Variants in KLHL20 observed in about 807,000 individuals in gnomAD.
The protein encoded by KLHL20 is kelch-like protein 20.
A neutral mutation model predicts 69.5 loss-of-function variants in KLHL20; 29 were observed. The ratio of observed to expected loss-of-function variants is 0.42; its 90% CI spans 0.31 to 0.57. The LOEUF (loss-of-function observed/expected upper bound fraction) is 0.57. Ranked by LOEUF, KLHL20 falls within the 20% of genes least tolerant of loss-of-function variation. KLHL20 has a pLI of 0.18. For synonymous variants in KLHL20, 253 were observed against 265.2 expected, an observed-to-expected ratio of 0.95 and a Z score of 0.45; for missense variants, 419 against 776.0, an observed-to-expected ratio of 0.54 and a Z score of 5.47.
chr1:173,780,155 A>G (rs982100188), intron 10 of KLHL20, among the ~76,000 whole-genome samples: 2 of 152,240 alleles, frequency 1.3e-5, no homozygotes, highest in African/African-American at 4.8e-5. Context: ...AAGCCTTCAC[A>G]TATCTGTGGC....
At chr1:173,737,299 G>C (rs1672581604) in intron 3 of KLHL20, among the ~76,000 whole-genome samples, 1 of 152,196 alleles carries the variant, frequency 6.6e-6, no homozygotes, top group Non-Finnish European at 1.5e-5. Context: ...CTTTGCCTGA[G>C]CCAATGTCTA....
intron 7 of KLHL20, among the ~76,000 whole-genome samples, chr1:173,759,801 T>G (rs939316988): frequency 6.6e-6 from 1 of 152,124 alleles, no homozygotes; most frequent in African/African-American, 2.4e-5. Context: ...CCTGGTAACA[T>G]GATAAAACAA....
intron 3 of KLHL20, among the ~76,000 whole-genome samples, chr1:173,746,373 A>G (rs755915191): frequency 7.2e-5 from 11 of 152,184 alleles, no homozygotes; most frequent in Non-Finnish European, 1.3e-4. Context: ...AGTTTGATAG[A>G]ATTTCCCTCT....
chr1:173,757,198 A>G lies in KLHL20; in HGVS notation c.1151+39A>G, dbSNP rs759141908. 3.3e-6 allele frequency: 5 copies of G among 1,501,040 alleles called. No individual in the cohort carries two copies. In the African/African-American group the frequency reaches 7.0e-5, roughly 21 times the overall value. The allele number at this position is 1,501,040 out of a possible 1,614,324, so 93.0% of individuals were successfully genotyped here. On this transcript the variant is annotated intron_variant, in intron 7 of 11. Transcript: ENST00000209884. ...ATCTGTAATTTTCTCTCTACTATTC[A>G]TATAGTTTTATTTGAGATGTTAATT...
In KLHL20 at chr1:173,755,941, T is replaced by C. The variant is rs1275263965; in HGVS notation, c.870T>C (p.Ala290=). The C allele has an allele frequency of 1.2e-6, 2 of 1,613,650 alleles. No individual in the cohort carries two copies. The highest frequency in any genetic ancestry group is 1.7e-6 in the Non-Finnish European group (2 of 1,179,812). ...TCTACAGAGACTTGGTAGATGAGGC[T>C]AAAAACTACCTCCTATTGCCGCAAG... ...DEECRDLVDE[A]KNYLLLPQER... Residue 290 remains alanine, a synonymous_variant, in exon 6 of 12, where the codon GCT becomes GCC. Coordinates refer to ENST00000209884, the MANE Select transcript of KLHL20 (RefSeq NM_014458.4).
chr1:173,718,373 T>A (rs1671556616), intron 2 of KLHL20, among the ~76,000 whole-genome samples: 1 of 151,780 alleles, frequency 6.6e-6, no homozygotes, highest in South Asian at 2.1e-4. Context: ...ACCCCATCTC[T>A]ACAAAAAGGA....
At chr1:173,734,316 CA>C (rs757249726) in intron 3 of KLHL20, 30 bp downstream of exon 3, 1,228 of 1,594,596 alleles carry the variant, frequency 7.7e-4, no homozygotes, top group Non-Finnish European at 1.0e-3. Flanking sequence ...CCAATGCACC[CA>C]TTTGTTGGAG....
At chr1:173,777,248 A>C (rs1461436290) in intron 10 of KLHL20, among the ~76,000 whole-genome samples, 1 of 152,086 alleles carries the variant, frequency 6.6e-6, no homozygotes, top group Non-Finnish European at 1.5e-5. Flanking sequence ...ACTGATTTTT[A>C]TATCTTGATT....
At chr1:173,760,179 G>A (rs761265513) in intron 7 of KLHL20, among the ~76,000 whole-genome samples, 1 of 151,950 alleles carries the variant, frequency 6.6e-6, no homozygotes, top group African/African-American at 2.4e-5. Context: ...AAAGAAAAAA[G>A]AATAAGAAAA....
At chr1:173,781,247 G>T (rs1384035558) in intron 10 of KLHL20, among the ~76,000 whole-genome samples, 1 of 152,076 alleles carries the variant, frequency 6.6e-6, no homozygotes, top group African/African-American at 2.4e-5. Flanking sequence ...ATTTCTGGAG[G>T]GCCTGAGTAA....
chr1:173,767,384 T>C (rs980238126), intron 8 of KLHL20, among the ~76,000 whole-genome samples: 2 of 152,210 alleles, frequency 1.3e-5, no homozygotes, highest in Non-Finnish European at 2.9e-5. Flanking sequence ...AACATACTTA[T>C]TTCCATTGAA....
At chr1:173,763,187 C>G (rs552965762) in intron 7 of KLHL20, among the ~76,000 whole-genome samples, 15 of 151,514 alleles carry the variant, frequency 9.9e-5, no homozygotes, top group Non-Finnish European at 1.9e-4. Context: ...CAAAAGACCT[C>G]AAGACCTCTA....
chr1:173,742,634 C>T (rs78544895), intron 3 of KLHL20, among the ~76,000 whole-genome samples: 2,663 of 149,938 alleles, frequency 0.018, 65 homozygotes, highest in African/African-American at 0.062. Flanking sequence ...TATACACATA[C>T]GTGTATATAC....
intron 2 of KLHL20, among the ~76,000 whole-genome samples, chr1:173,730,489 C>G (rs1341733681): frequency 6.6e-6 from 1 of 152,026 alleles, no homozygotes; most frequent in African/African-American, 2.4e-5. Flanking sequence ...GCTACAGTAA[C>G]CAAAACAGCA....
chr1:173,751,077 T>A (rs10081990), intron 3 of KLHL20, among the ~76,000 whole-genome samples: 13,708 of 152,132 alleles, frequency 0.09, 2,004 homozygotes, highest in African/African-American at 0.31. Context: ...AGTGACTGTT[T>A]CTTTCCTCTG....
At chr1:173,763,866 T>TAAA (rs60028962) in intron 7 of KLHL20, among the ~76,000 whole-genome samples, 1,362 of 119,516 alleles carry the variant, frequency 0.011, 22 homozygotes, top group African/African-American at 0.029. Context: ...GCAAATGCAA[T>TAAA]AAAAAAAAAA....
chr1:173,733,058 C>T (rs1672360418), intron 2 of KLHL20, among the ~76,000 whole-genome samples: 1 of 138,290 alleles, frequency 7.2e-6, no homozygotes, highest in South Asian at 2.3e-4. Context: ...GAGTCTCTGT[C>T]ACCCAGACTG....
chr1:173,759,836 C>A (rs1673717596), intron 7 of KLHL20, among the ~76,000 whole-genome samples: 1 of 152,066 alleles, frequency 6.6e-6, no homozygotes, highest in Admixed American at 6.6e-5. Flanking sequence ...CCCAAAAAAT[C>A]ATACTAATTC....
chr1:173,753,344 A>G (rs778773904), intron 5 of KLHL20, 37 bp downstream of exon 5: 10 of 1,456,510 alleles, frequency 6.9e-6, no homozygotes, highest in Non-Finnish European at 9.6e-6. Context: ...TCAACAACTA[A>G]GCATTCCTAT....
Sources: allele counts gnomAD v4.1 joint callset (sites outside exome capture counted in the v4.1 genomes callset), GRCh38; gene constraint gnomAD v4.1.1; transcripts MANE v1.5; gene names NCBI Gene and HGNC (gene_info 2026-07-23, HGNC 2026-07-21).